Variants in ZBTB7C observed in about 807,000 individuals in gnomAD.
The protein encoded by ZBTB7C is zinc finger and BTB domain containing 7C.
In ZBTB7C, 8 loss-of-function variants were observed where a neutral mutation model predicts 25.7. The observed-to-expected ratio is 0.31, with a 90% CI of 0.18 to 0.56. The LOEUF (loss-of-function observed/expected upper bound fraction) is 0.56. Among genes scored for constraint, ZBTB7C ranks in the 20% least tolerant of loss-of-function variants. The probability of loss-of-function intolerance (pLI) is 0.91; values close to 1 mark genes in which losing one functional copy is unlikely to be tolerated. For missense variants in ZBTB7C, 824 were observed against 855.2 expected, an observed-to-expected ratio of 0.96 and a Z score of 0.46; for synonymous variants, 394 against 369.0, an observed-to-expected ratio of 1.07 and a Z score of -0.78.
In ZBTB7C at chr18:48,041,099, A is replaced by G. The variant is rs747612683; in HGVS notation, c.9T>C (p.Asn3=). 2.5e-6 allele frequency: 4 copies of G among 1,598,284 alleles called. No homozygotes were observed. In the South Asian group the frequency reaches 4.4e-5, roughly 18 times the overall value. Reference sequence around the variant, plus strand: ...GAATGCCAATGAGCTCATCAATGTCATTGGCCATGTTCTCAGCCAGAGCCC... The same window carrying G: ...GAATGCCAATGAGCTCATCAATGTCGTTGGCCATGTTCTCAGCCAGAGCCC... MA[N]DIDELIGIPF... Residue 3 remains asparagine, a synonymous_variant, in exon 4 of 5, where the codon AAT becomes AAC. Coordinates refer to ENST00000590800, the MANE Select transcript of ZBTB7C (RefSeq NM_001318841.2).
intron 2 of ZBTB7C, among the ~76,000 whole-genome samples, chr18:48,191,421 C>A (rs909736615): frequency 1.3e-5 from 2 of 152,204 alleles, no homozygotes; most frequent in Non-Finnish European, 2.9e-5. Flanking sequence ...TACCTACATC[C>A]TATTTCACAA....
chr18:48,040,716 C>G lies in ZBTB7C; in HGVS notation c.392G>C (p.Gly131Ala), dbSNP rs748401033. Residue 131 changes from glycine to alanine, a missense_variant, in exon 4 of 5, where the codon GGG becomes GCG. Around this residue, in one of 4 missense-constraint regions of ZBTB7C, gnomAD observed 316 missense variants for 299.2 expected, o/e 1.06. Transcript: ENST00000590800. The part of the protein sequence containing the change: ...NVCLEIMEPG[G>A]DGGEEDDKED... ...CTTGTCATCCTCCTCCCCCCCGTCC[C>G]CCCCAGGCTCCATGATCTCCAGGCA... 9 of 1,613,908 alleles carry G rather than the reference C, an allele frequency of 5.6e-6. No homozygotes were observed. The highest frequency in any genetic ancestry group is 6.8e-6 in the Non-Finnish European group (8 of 1,179,982).
chr18:48,394,298 T>C (rs1199399404), intron 1 of ZBTB7C, among the ~76,000 whole-genome samples: 3 of 152,150 alleles, frequency 2.0e-5, no homozygotes, highest in Non-Finnish European at 4.4e-5. Context: ...TCTCTAATGA[T>C]TGATTAGAGG....
rs190226538 is a variant in ZBTB7C at position 48,320,780 on chromosome 18, C to T, written c.-79+17394G>A. ...CAGCTGCGGCCCTGCTTCTCAGACC[C>T]CGGCTCAGGCGGCCACCACCTCTGA... On this transcript the variant is annotated intron_variant, in intron 2 of 4. Coordinates refer to ENST00000590800, the MANE Select transcript of ZBTB7C (RefSeq NM_001318841.2). Among the ~76,000 whole-genome samples the T allele has an allele frequency of 4.6e-3, 700 of 152,334 alleles. 4 individuals are homozygous for T. The highest frequency in any genetic ancestry group is 6.3e-3 in the Admixed American group (96 of 15,306).
chr18:48,227,306 G>A (rs1204541969), intron 2 of ZBTB7C, among the ~76,000 whole-genome samples: 1 of 152,224 alleles, frequency 6.6e-6, no homozygotes, highest in Non-Finnish European at 1.5e-5. Flanking sequence ...GTACGGCCTG[G>A]CAGTTTAGAG....
rs11082653 is a variant in ZBTB7C, at chr18:48,130,162, T to G, written c.-17+55772A>C. On this transcript the variant is annotated intron_variant, in intron 3 of 4. Transcript: ENST00000590800. The stretch of plus-strand genomic sequence containing the variant: ...TCCCAATCAAGGAGCCCTGAAATTG[T>G]ACCTCTAGAGATTAACCTCAGGCTG... Among the ~76,000 whole-genome samples the G allele has an allele frequency of 9.9e-5, 15 of 152,230 alleles. 1 individual carries two copies. The South Asian group carries it at 3.1e-3, about 32-fold the overall frequency.
intron 3 of ZBTB7C, among the ~76,000 whole-genome samples, chr18:48,158,067 C>T (rs1444591844): frequency 6.6e-6 from 1 of 152,112 alleles, no homozygotes; most frequent in Non-Finnish European, 1.5e-5. Context: ...AGAAGGAACA[C>T]ACAGGCTGGA....
At chr18:48,134,090 ATTTT>A (rs35281038) in intron 3 of ZBTB7C, among the ~76,000 whole-genome samples, 63 of 139,046 alleles carry the variant, frequency 4.5e-4, no homozygotes, top group African/African-American at 5.6e-4. Flanking sequence ...CAAACCCAGG[ATTTT>A]TTTTTTTTTT....
At chr18:48,088,844 T>TA (rs5824733) in intron 3 of ZBTB7C, among the ~76,000 whole-genome samples, 11,866 of 149,782 alleles carry the variant, frequency 0.079, 1,482 homozygotes, top group African/African-American at 0.27. Context: ...AAAATAAAAA[T>TA]AAAAAAAAAG....
intron 2 of ZBTB7C, among the ~76,000 whole-genome samples, chr18:48,232,620 T>A (rs1487348831): frequency 2.0e-5 from 3 of 151,534 alleles, no homozygotes; most frequent in Non-Finnish European, 4.4e-5. Context: ...TGGATTGTTA[T>A]TTTAACCCAT....
At chr18:48,099,957 G>A (rs2144605097) in intron 3 of ZBTB7C, among the ~76,000 whole-genome samples, 1 of 152,344 alleles carries the variant, frequency 6.6e-6, no homozygotes, top group Non-Finnish European at 1.5e-5. Flanking sequence ...CTGGACTGCA[G>A]CCTTAACAGC....
At chr18:48,217,993 G>A (rs1279915927) in intron 2 of ZBTB7C, among the ~76,000 whole-genome samples, 1 of 152,142 alleles carries the variant, frequency 6.6e-6, no homozygotes, top group Non-Finnish European at 1.5e-5. Context: ...AGGCCAAGGT[G>A]ACACTGGGTC....
chr18:48,235,412 G>T (rs1283963763), intron 2 of ZBTB7C, among the ~76,000 whole-genome samples: 1 of 151,984 alleles, frequency 6.6e-6, no homozygotes, highest in Non-Finnish European at 1.5e-5. Context: ...CCAAATCAAG[G>T]ACTGTAGAGC....
At chr18:48,155,899 T>C (rs973338722) in intron 3 of ZBTB7C, among the ~76,000 whole-genome samples, 3 of 152,124 alleles carry the variant, frequency 2.0e-5, no homozygotes, top group Non-Finnish European at 4.4e-5. Context: ...GGGTTGGAAA[T>C]AGAAGAATAC....
chr18:48,215,315 T>C (rs781238091), intron 2 of ZBTB7C, among the ~76,000 whole-genome samples: 1 of 152,182 alleles, frequency 6.6e-6, no homozygotes, highest in Non-Finnish European at 1.5e-5. Flanking sequence ...TTCAAAAATA[T>C]TTATTCTGAG....
rs2035587601 is a variant in ZBTB7C, at chr18:48,028,259, G to GCAC, written c.*1000_*1001insGTG. The GCAC allele has an allele frequency of 6.6e-6, 1 of 152,248 alleles. No homozygotes were observed. Among genetic ancestry groups the GCAC allele is most frequent in the Non-Finnish European group, 1.5e-5 (1 of 68,110 alleles). The allele number at this position is 152,248 out of a possible 1,614,324, so 9.4% of individuals were successfully genotyped here. On this transcript the variant is annotated 3_prime_UTR_variant, in exon 5 of 5. Coordinates refer to ENST00000590800, the MANE Select transcript of ZBTB7C (RefSeq NM_001318841.2). Reference sequence around the variant, plus strand: ...CCAAGACACTGCACAGCCTTGGAGGGGGCACTGGAGATGGGGGTAAACATT... The same window carrying GCAC: ...CCAAGACACTGCACAGCCTTGGAGGGCACGGCACTGGAGATGGGGGTAAACATT...
At chr18:48,138,736 A>G (rs4076364) in intron 3 of ZBTB7C, among the ~76,000 whole-genome samples, 4 of 151,998 alleles carry the variant, frequency 2.6e-5, no homozygotes, top group Non-Finnish European at 5.9e-5. Context: ...AACACCCAAG[A>G]CAAAGACTGA....
At chr18:48,233,474 C>T (rs1267524295) in intron 2 of ZBTB7C, among the ~76,000 whole-genome samples, 3 of 152,152 alleles carry the variant, frequency 2.0e-5, no homozygotes, top group African/African-American at 7.2e-5. Context: ...ATACAAAGAG[C>T]ATACATAACA....
intron 3 of ZBTB7C, among the ~76,000 whole-genome samples, chr18:48,078,160 C>T (rs2037845866): frequency 6.6e-6 from 1 of 152,178 alleles, no homozygotes; most frequent in South Asian, 2.1e-4. Flanking sequence ...CGCATGATTC[C>T]AAATACCCAT....
Sources: allele counts gnomAD v4.1 joint callset (sites outside exome capture counted in the v4.1 genomes callset), GRCh38; gene constraint gnomAD v4.1.1; regional missense constraint gnomAD v4.1.1; transcripts MANE v1.5; gene names NCBI Gene and HGNC (gene_info 2026-07-23, HGNC 2026-07-21).